Variants in ABHD6 observed in about 807,000 individuals in gnomAD.
ABHD6 encodes abhydrolase domain containing 6, acylglycerol lipase.
A neutral mutation model predicts 38.8 loss-of-function variants in ABHD6; 33 were observed. The observed-to-expected ratio is 0.85, with a 90% CI of 0.64 to 1.14. The LOEUF is 1.14. ABHD6 is among the 50% of genes most tolerant of loss of function. The pLI is 0.00. For missense variants in ABHD6, 380 were observed against 422.6 expected, an observed-to-expected ratio of 0.90 and a Z score of 0.88; for synonymous variants, 147 against 161.6, an observed-to-expected ratio of 0.91 and a Z score of 0.69.
At chr3:58,255,236 T>G (rs2097432474) in intron 2 of ABHD6, among the ~76,000 whole-genome samples, 1 of 152,228 alleles carries the variant, frequency 6.6e-6, no homozygotes, top group African/African-American at 2.4e-5. Flanking sequence ...CACTGAAAAC[T>G]ACCTTTTTGG....
intron 1 of ABHD6, among the ~76,000 whole-genome samples, chr3:58,247,890 G>A (rs760045308): frequency 9.9e-5 from 15 of 152,140 alleles, no homozygotes; most frequent in Non-Finnish European, 1.5e-4. Flanking sequence ...GTAATTTTTC[G>A]TTAAATATGC....
chr3:58,290,377 TG>T, intron 9 of ABHD6, among the ~76,000 whole-genome samples: 1 of 130,164 alleles, frequency 7.7e-6, no homozygotes, highest in Non-Finnish European at 1.6e-5. Context: ...ATGGAGCGGC[TG>T]GCCGGGCAGA....
chr3:58,243,367 C>CT (rs2097424159), intron 1 of ABHD6, among the ~76,000 whole-genome samples: 1 of 152,096 alleles, frequency 6.6e-6, no homozygotes, highest in African/African-American at 2.4e-5. Context: ...AGATACAAAT[C>CT]TCAAGTGTCT....
chr3:58,285,453 G>A lies in ABHD6; in HGVS notation c.837G>A (p.Gln279=). ...PTQIIWGKQD[Q]VLDVSGADML... ...AGATCATCTGGGGGAAACAAGACCA[G>A]GTATGTAACACATCCCCGCGGCAGT... The change falls in exon 9 of 10, where the codon CAG becomes CAA. Residue 279 remains glutamine, a splice_region_variant and synonymous_variant. Transcript: ENST00000478253. This position sits in a 1 kb window ranked among gnomAD's most constrained non-coding sequence, Gnocchi z 4.9. The A allele has an allele frequency of 6.2e-7, 1 of 1,613,372 alleles. No homozygotes were observed.
rs564486282 is a variant in ABHD6, at chr3:58,290,735, C to G, written c.838-2854C>G. Among the ~76,000 whole-genome samples, 14 of 151,582 alleles carry G rather than the reference C, an allele frequency of 9.2e-5. No homozygotes were observed. The South Asian group carries it at 2.9e-3, about 32-fold the overall frequency. On this transcript the variant is annotated intron_variant, in intron 9 of 9. Coordinates refer to ENST00000478253, the MANE Select transcript of ABHD6 (RefSeq NM_001320126.2). ...CCGGGCAGAGGCGCTCCTCACATCC[C>G]AGACGGGCCGGCGGGGCAAAGGCGC...
rs1301255737 is a variant in ABHD6 at position 58,293,820 on chromosome 3, C to G, written c.*55C>G. 9.5e-6 allele frequency: 15 copies of G among 1,574,614 alleles called. No individual in the cohort carries two copies. The highest frequency in any genetic ancestry group is 1.2e-5 in the Non-Finnish European group (14 of 1,156,724). On this transcript the variant is annotated 3_prime_UTR_variant, in exon 10 of 10. Transcript: ENST00000478253. This position sits in a 1 kb window ranked among gnomAD's most constrained non-coding sequence, Gnocchi z 4.4. ...CAGCATCTGCTCCCATCCCCCAAGT[C>G]TGACGCAGCCACCACTCTCAGGGAT...
chr3:58,272,375 C>A (rs1411464358), intron 6 of ABHD6, among the ~76,000 whole-genome samples: 1 of 152,136 alleles, frequency 6.6e-6, no homozygotes, highest in Admixed American at 6.6e-5. Flanking sequence ...TTTTATGACT[C>A]ATATCTTCTA....
chr3:58,267,226 G>A lies in ABHD6; in HGVS notation c.157G>A (p.Val53Ile). ...RRTLGMQVRY[V>I]HHEDYQFCYS... Reference sequence around the variant, plus strand: ...GACATTGGGCATGCAAGTCCGCTATGTTCACCATGAAGACTATCAGTTCTG... The same window carrying A: ...GACATTGGGCATGCAAGTCCGCTATATTCACCATGAAGACTATCAGTTCTG... Residue 53 changes from valine (V) to isoleucine (I), a missense_variant, in exon 4 of 10, where the codon GTT becomes ATT. Physicochemically the swap from Val to Ile is conservative, Grantham distance 29. Transcript: ENST00000478253. This position sits in a 1 kb window ranked among gnomAD's most constrained non-coding sequence, Gnocchi z 4.3. The A allele has an allele frequency of 6.2e-7, 1 of 1,614,188 alleles. No homozygotes were observed. Among genetic ancestry groups the A allele is most frequent in the South Asian group, 1.1e-5 (1 of 91,088 alleles).
Position 58,267,286 on chromosome 3 carries a change from T to A in ABHD6, c.217T>A (p.Ser73Thr), listed in dbSNP as rs530820440. 3.1e-6 allele frequency: 5 copies of A among 1,614,100 alleles called. No individual in the cohort carries two copies. The African/African-American group carries it at 6.7e-5, about 22-fold the overall frequency. ...SFRGRPGHKP[S>T]ILMLHGFSAH... Reference sequence around the variant, plus strand: ...CCGGGGCAGGCCTGGGCACAAACCCTCCATCCTCATGCTCCACGGATTCTC... The same window carrying A: ...CCGGGGCAGGCCTGGGCACAAACCCACCATCCTCATGCTCCACGGATTCTC... Residue 73 changes from serine (S) to threonine (T), a missense_variant, in exon 4 of 10, where the codon TCC becomes ACC. Transcript: ENST00000478253. This position sits in a 1 kb window ranked among gnomAD's most constrained non-coding sequence, Gnocchi z 4.3.
chr3:58,239,805 A>T (rs142767179), intron 1 of ABHD6, among the ~76,000 whole-genome samples: 253 of 151,612 alleles, frequency 1.7e-3, no homozygotes, highest in African/African-American at 5.8e-3. Context: ...TGGGGGCGAG[A>T]AGTTAGACTC....
intron 1 of ABHD6, among the ~76,000 whole-genome samples, chr3:58,243,208 A>G (rs1393968587): frequency 6.6e-6 from 1 of 152,238 alleles, no homozygotes; most frequent in African/African-American, 2.4e-5. Flanking sequence ...TTATAGTAGC[A>G]TTATTTATAA....
Position 58,256,705 on chromosome 3 carries a change from G to A in ABHD6, c.119G>A (p.Trp40Ter). Residue 40 changes from tryptophan to a stop codon, truncating the protein, a stop_gained and splice_region_variant, in exon 3 of 10, where the codon TGG becomes TAG. Transcript: ENST00000478253. LOFTEE classifies it high-confidence loss of function. The surrounding 1 kb of genome is among the most constrained non-coding windows in gnomAD (Gnocchi z 4.3). ...TCAGCACTGATAAGAATCTATTATT[G>A]GTAAGCCAGTTTTATCATTGATGTT... is the stretch of plus-strand genomic sequence containing the variant. ...WPSALIRIYYWYWRRTLGMQV... is the reference protein window; with the variant it reads ...WPSALIRIYY The A allele has an allele frequency of 6.2e-7, 1 of 1,602,076 alleles. No homozygotes were observed. Among genetic ancestry groups the A allele is most frequent in the African/African-American group, 1.3e-5 (1 of 74,582 alleles).
Position 58,266,031 on chromosome 3 carries a change from G to A in ABHD6, c.120-1158G>A, listed in dbSNP as rs9852221. Among the ~76,000 whole-genome samples the A allele has an allele frequency of 0.15, 23,410 of 152,232 alleles. 2,775 individuals are homozygous for A. Among genetic ancestry groups the A allele is most frequent in the African/African-American group, 0.33 (13,767 of 41,506 alleles). On this transcript the variant is annotated intron_variant, in intron 3 of 9. Coordinates refer to ENST00000478253, the MANE Select transcript of ABHD6 (RefSeq NM_001320126.2). This position sits in a 1 kb window ranked among gnomAD's most constrained non-coding sequence, Gnocchi z 4.0. ...GGGATGTGAATGGATGAACAAAGTC[G>A]TGTTATGATTTAGAATTTTGAAATA...
At chr3:58,282,595 G>A (rs180820664) in intron 7 of ABHD6, among the ~76,000 whole-genome samples, 3 of 152,244 alleles carry the variant, frequency 2.0e-5, no homozygotes, top group East Asian at 1.9e-4. Context: ...AATTAGCCAA[G>A]TGTGGTGGTG....
chr3:58,241,817 A>G (rs2107410713), intron 1 of ABHD6, among the ~76,000 whole-genome samples: 1 of 152,328 alleles, frequency 6.6e-6, no homozygotes, highest in South Asian at 2.1e-4. Context: ...TGCAGAGTGA[A>G]TGCTTAGTAT....
At chr3:58,283,238 G>C (rs2097454600) in intron 7 of ABHD6, among the ~76,000 whole-genome samples, 1 of 152,156 alleles carries the variant, frequency 6.6e-6, no homozygotes, top group South Asian at 2.1e-4. Flanking sequence ...CTTTCTCCCA[G>C]CACTGATCTC....
intron 7 of ABHD6, among the ~76,000 whole-genome samples, chr3:58,278,477 T>G (rs2097450483): frequency 6.6e-6 from 1 of 152,224 alleles, no homozygotes; most frequent in Non-Finnish European, 1.5e-5. Flanking sequence ...TGTGTCTATT[T>G]GATTCTTCTC....
chr3:58,257,578 G>T lies in ABHD6; in HGVS notation c.119+873G>T, dbSNP rs2097434255. Reference sequence around the variant, plus strand: ...GGCTTTTGCCGTATTGGCCAAGCTGGTCTCAAACTCCTGACCTCAAGTGAT... The same window carrying T: ...GGCTTTTGCCGTATTGGCCAAGCTGTTCTCAAACTCCTGACCTCAAGTGAT... On this transcript the variant is annotated intron_variant, in intron 3 of 9. Coordinates refer to ENST00000478253, the MANE Select transcript of ABHD6 (RefSeq NM_001320126.2). The surrounding 1 kb of genome is among the most constrained non-coding windows in gnomAD (Gnocchi z 4.8). 6.6e-6 allele frequency among the ~76,000 whole-genome samples: 1 copy of T among 151,990 alleles called. No individual in the cohort carries two copies. Among genetic ancestry groups the T allele is most frequent in the Non-Finnish European group, 1.5e-5 (1 of 68,006 alleles).
Position 58,263,390 on chromosome 3 carries a change from C to CAA in ABHD6, c.120-3785_120-3784dup, listed in dbSNP as rs577703142. Among the ~76,000 whole-genome samples, 3 of 85,054 alleles carry CAA rather than the reference C, an allele frequency of 3.5e-5. No individual in the cohort carries two copies. Among genetic ancestry groups the CAA allele is most frequent in the Non-Finnish European group, 4.9e-5 (2 of 40,730 alleles). The allele number at this position is 85,054 out of a possible 152,430, so 55.8% of individuals were successfully genotyped here. A position where few individuals can be genotyped will look rare whatever the true frequency, so the allele number is the denominator to read the frequency against. On this transcript the variant is annotated intron_variant, in intron 3 of 9. Transcript: ENST00000478253. The surrounding 1 kb of genome is among the most constrained non-coding windows in gnomAD (Gnocchi z 4.9). ...AGGCAACGAGAGTGAAACTCCATCT[C>CAA]AAAAAAAAAAAAAAAGAAAAAATAT...
Sources: gnomAD v4.1 joint callset for allele counts (sites outside exome capture counted in the v4.1 genomes callset) on GRCh38, gnomAD v4.1.1 for gene constraint, Gnocchi (gnomAD v3.1) non-coding constraint, MANE v1.5 for transcripts, NCBI Gene and HGNC (gene_info 2026-07-23, HGNC 2026-07-21) for gene names.